The following XDH variants were observed in gnomAD, a reference collection of about 807,000 sequenced individuals.
The protein encoded by XDH is xanthine dehydrogenase/oxidase.
XDH carries 138 observed loss-of-function variants against 156.1 expected under a neutral mutation model. The observed-to-expected ratio is 0.88, with a 90% CI of 0.77 to 1.02. The LOEUF is 1.02. Ranked by LOEUF, XDH falls within the 50% of genes least tolerant of loss-of-function variation. The probability of loss-of-function intolerance (pLI) is 0.00; values close to 1 mark genes in which losing one functional copy is unlikely to be tolerated. For missense variants in XDH, 1,849 were observed against 1,684.9 expected (o/e 1.10, Z -1.71); for synonymous variants, 669 against 625.7 (o/e 1.07, Z -1.03).
At chr2:31,405,033 T>A (rs536977177) in intron 2 of XDH, among the ~76,000 whole-genome samples, 1 of 152,318 alleles carries the variant, frequency 6.6e-6, no homozygotes, top group African/African-American at 2.4e-5. Flanking sequence ...CCTGGAGAGT[T>A]GCCAGTGCGG....
chr2:31,373,855 T>C lies in XDH; in HGVS notation c.1686+18A>G, dbSNP rs1258459930. 1.2e-5 allele frequency: 19 copies of C among 1,613,188 alleles called. No individual in the cohort carries two copies. The East Asian group carries it at 3.8e-4, about 32-fold the overall frequency. ...CTGCAAAGTCCCCTGATATTAGCCA[T>C]ACACTGACCGTACTCACTTGGAAGA... On this transcript the variant is annotated intron_variant, in intron 16 of 35. Coordinates refer to ENST00000379416, the MANE Select transcript of XDH (RefSeq NM_000379.4).
At chr2:31,365,376 C>T in intron 23 of XDH, 81 bp downstream of exon 23, 1 of 1,477,266 alleles carries the variant, frequency 6.8e-7, no homozygotes. Flanking sequence ...AGGAGTGCAG[C>T]TCAGGATGCC....
At chr2:31,344,760 G>A in intron 30 of XDH, 24 bp from the exon 31 acceptor site, 1 of 1,613,860 alleles carries the variant, frequency 6.2e-7, no homozygotes. Flanking sequence ...ATGGCCATCA[G>A]GCAGGTGAAG....
Position 31,366,989 on chromosome 2 carries a change from T to G in XDH, c.2203A>C (p.Ile735Leu). The stretch of plus-strand genomic sequence containing the variant: ...AAGTGCTCTTGGCCACCGATGTATA[T>G]CTCCCCTGGGGAAGCAGTGAGATCC... The part of the protein sequence containing the change: ...SEADNVVSGE[I>L]YIGGQEHFYL... The change falls in exon 21 of 36, where the codon ATA becomes CTA. Residue 735 changes from isoleucine (I) to leucine (L), a missense_variant. Transcript: ENST00000379416. 2 of 1,614,122 alleles carry G rather than the reference T, an allele frequency of 1.2e-6. No individual in the cohort carries two copies. The highest frequency in any genetic ancestry group is 2.2e-5 in the South Asian group (2 of 91,084).
chr2:31,391,141 T>C lies in XDH; in HGVS notation c.496-2846A>G, dbSNP rs181934306. On this transcript the variant is annotated intron_variant, in intron 6 of 35. Coordinates refer to ENST00000379416, the MANE Select transcript of XDH (RefSeq NM_000379.4). ...GTTTATGATTCATTTTGAGTTAATT[T>C]TGAGAAGTGTATAAGGTCTGTGTTT... is the stretch of plus-strand genomic sequence containing the variant. Among the ~76,000 whole-genome samples, 265 of 152,338 alleles carry C rather than the reference T, an allele frequency of 1.7e-3. 1 individual carries two copies. The highest frequency in any genetic ancestry group is 5.7e-3 in the African/African-American group (239 of 41,566).
chr2:31,351,296 C>T (rs1355306134), intron 24 of XDH, among the ~76,000 whole-genome samples: 1 of 151,870 alleles, frequency 6.6e-6, no homozygotes, highest in Non-Finnish European at 1.5e-5. Flanking sequence ...TTTATTTTTT[C>T]ATCTGCTTCA....
At chr2:31,378,107 AAAGGAAGGAAGG>A (rs1210425191) in intron 13 of XDH, among the ~76,000 whole-genome samples, 1,019 of 54,014 alleles carry the variant, frequency 0.019, 26 homozygotes, top group Non-Finnish European at 0.021. Context: ...AGAAAGAAAG[AAAGGAAGGAAGG>A]AAGGAAGGAA....
chr2:31,368,789 G>C (rs1180772344), intron 18 of XDH, 129 bp from the exon 19 acceptor site: 1 of 1,547,162 alleles, frequency 6.5e-7, no homozygotes, highest in Non-Finnish European at 8.8e-7. Context: ...GAATGCCCTA[G>C]GGCCTCTTAA....
chr2:31,401,434 T>C, intron 3 of XDH, 106 bp from the exon 4 acceptor site: 1 of 1,135,384 alleles, frequency 8.8e-7, no homozygotes, highest in Non-Finnish European at 1.3e-6. Flanking sequence ...GTTACGTCTC[T>C]CCGCTCCCAT....
intron 24 of XDH, among the ~76,000 whole-genome samples, chr2:31,353,855 T>C (rs73922348): frequency 0.034 from 5,195 of 152,250 alleles, 287 homozygotes; most frequent in African/African-American, 0.12. Flanking sequence ...TACCCCAACA[T>C]TCCTGCTGGG....
intron 1 of XDH, among the ~76,000 whole-genome samples, chr2:31,410,380 T>TA (rs1687308873): frequency 6.6e-6 from 1 of 152,238 alleles, no homozygotes; most frequent in Non-Finnish European, 1.5e-5. Context: ...GTAAATTTTA[T>TA]GTATTTTACC....
chr2:31,367,841 A>G, intron 20 of XDH, 120 bp downstream of exon 20: 1 of 978,492 alleles, frequency 1.0e-6, no homozygotes, highest in Non-Finnish European at 1.7e-6. Context: ...GTAAGAGGGA[A>G]TCTTCTGTCA....
intron 6 of XDH, among the ~76,000 whole-genome samples, chr2:31,395,504 C>T (rs982911874): frequency 6.6e-6 from 1 of 152,202 alleles, no homozygotes; most frequent in African/African-American, 2.4e-5. Flanking sequence ...ATTTTTCCCA[C>T]TCCCTACCAG....
intron 27 of XDH, 65 bp from the exon 28 acceptor site, chr2:31,348,428 C>A: frequency 6.7e-7 from 1 of 1,491,534 alleles, no homozygotes; most frequent in Non-Finnish European, 9.3e-7. Flanking sequence ...GGTTTGGGAC[C>A]AAAGGTATGG....
chr2:31,409,688 T>C (rs1234333769), intron 1 of XDH, among the ~76,000 whole-genome samples: 1 of 152,206 alleles, frequency 6.6e-6, no homozygotes, highest in Non-Finnish European at 1.5e-5. Flanking sequence ...AGATTTCACC[T>C]CATACCCATT....
intron 2 of XDH, among the ~76,000 whole-genome samples, chr2:31,403,652 G>C (rs955280228): frequency 2.0e-5 from 3 of 152,190 alleles, no homozygotes; most frequent in Non-Finnish European, 4.4e-5. Flanking sequence ...ATTAGGGCTA[G>C]ACCAGAGGCT....
At chr2:31,401,162 C>A (rs1270640075) in intron 4 of XDH, 58 bp downstream of exon 4, 4 of 1,595,624 alleles carry the variant, frequency 2.5e-6, no homozygotes, top group Non-Finnish European at 3.4e-6. Flanking sequence ...TTGGCATGAG[C>A]CTCCCTGCAG....
chr2:31,381,255 C>T (rs975787950), intron 12 of XDH, among the ~76,000 whole-genome samples: 4 of 152,168 alleles, frequency 2.6e-5, no homozygotes, highest in Admixed American at 1.3e-4. Flanking sequence ...CTCAGCCTCT[C>T]AAAGTGCTGG....
In XDH at chr2:31,375,019, C is replaced by CTTTT. The variant is rs757150117; in HGVS notation, c.1602+360_1602+361insAAAA. ...CCTTTCTTTCTTTCTTTCTTTCTTT[C>CTTTT]TTTCTTTTTTTTTTTTTTTTTTTGA... On this transcript the variant is annotated intron_variant, in intron 15 of 35. Coordinates refer to ENST00000379416, the MANE Select transcript of XDH (RefSeq NM_000379.4). Among the ~76,000 whole-genome samples the CTTTT allele has an allele frequency of 8.6e-3, 873 of 101,024 alleles. 14 individuals are homozygous for CTTTT. The highest frequency in any genetic ancestry group is 0.011 in the South Asian group (35 of 3,222). The allele number at this position is 101,024 out of a possible 152,430, so 66.3% of individuals were successfully genotyped here. A position where few individuals can be genotyped will look rare whatever the true frequency, so the allele number is the denominator to read the frequency against.
Sources: allele counts gnomAD v4.1 joint callset (sites outside exome capture counted in the v4.1 genomes callset), GRCh38; gene constraint gnomAD v4.1.1; transcripts MANE v1.5; gene names NCBI Gene and HGNC (gene_info 2026-07-23, HGNC 2026-07-21).